The following CTNNA3 variants were observed in gnomAD, a reference collection of about 807,000 sequenced individuals.
CTNNA3 encodes catenin alpha-3.
A neutral mutation model predicts 95.7 loss-of-function variants in CTNNA3; 76 were observed. The ratio of observed to expected loss-of-function variants is 0.79; its 90% CI spans 0.66 to 0.96. The LOEUF is 0.96. Ranked by LOEUF, CTNNA3 falls within the 40% of genes least tolerant of loss-of-function variation. CTNNA3 has a pLI of 0.00. For missense variants in CTNNA3, 1,191 were observed against 1,089.8 expected, an observed-to-expected ratio of 1.09 and a Z score of -1.31; for synonymous variants, 431 against 374.4, an observed-to-expected ratio of 1.15 and a Z score of -1.74.
chr10:66,449,375 G>T (rs1015143482), intron 11 of CTNNA3, among the ~76,000 whole-genome samples: 1 of 152,042 alleles, frequency 6.6e-6, no homozygotes, highest in Non-Finnish European at 1.5e-5. Context: ...GTAAGGGAAC[G>T]AACACGTCAA....
chr10:66,299,977 C>T (rs756638595), intron 12 of CTNNA3, among the ~76,000 whole-genome samples: 3 of 152,128 alleles, frequency 2.0e-5, no homozygotes, highest in Non-Finnish European at 2.9e-5. Context: ...ACTGCAACCT[C>T]TGCCTCCCAG....
At chr10:67,559,340 G>A (rs868183432) in intron 3 of CTNNA3, among the ~76,000 whole-genome samples, 29 of 152,264 alleles carry the variant, frequency 1.9e-4, no homozygotes, top group African/African-American at 3.6e-4. Context: ...ACGAAAATAC[G>A]CTGTTCTGCA....
chr10:66,011,609 TG>T (rs1204978115), intron 15 of CTNNA3, among the ~76,000 whole-genome samples: 1 of 152,164 alleles, frequency 6.6e-6, no homozygotes, highest in Non-Finnish European at 1.5e-5. Flanking sequence ...TTGATGTGCA[TG>T]CAAGATTGTG....
intron 3 of CTNNA3, among the ~76,000 whole-genome samples, chr10:67,553,210 C>A (rs79687885): frequency 1.6e-3 from 247 of 152,242 alleles, no homozygotes; most frequent in Non-Finnish European, 2.7e-3. Flanking sequence ...CCATAATAGA[C>A]CCTCAGGCAC....
chr10:67,521,653 C>A (rs1839990899), intron 5 of CTNNA3, among the ~76,000 whole-genome samples, 189 bp downstream of exon 5: 1 of 152,170 alleles, frequency 6.6e-6, no homozygotes, highest in Non-Finnish European at 1.5e-5. Flanking sequence ...AAGTACACAT[C>A]TAAAAGCAAG....
At chr10:66,782,614 T>C (rs1439301275) in intron 7 of CTNNA3, among the ~76,000 whole-genome samples, 1 of 152,156 alleles carries the variant, frequency 6.6e-6, no homozygotes, top group African/African-American at 2.4e-5. Flanking sequence ...TCTTCTACAC[T>C]GACACTTCTT....
intron 11 of CTNNA3, among the ~76,000 whole-genome samples, chr10:66,400,586 C>T (rs2456743): frequency 1.3e-5 from 2 of 151,826 alleles, no homozygotes; most frequent in African/African-American, 4.8e-5. Flanking sequence ...CTATTTCCAC[C>T]TCTCTCCCAT....
intron 13 of CTNNA3, among the ~76,000 whole-genome samples, chr10:66,272,437 A>G (rs1368254568): frequency 6.6e-6 from 1 of 152,168 alleles, no homozygotes; most frequent in African/African-American, 2.4e-5. Context: ...CATGAAGGGG[A>G]GAAGCGCACA....
chr10:67,561,741 G>T (rs1371229985), intron 3 of CTNNA3, among the ~76,000 whole-genome samples: 1 of 152,024 alleles, frequency 6.6e-6, no homozygotes, highest in African/African-American at 2.4e-5. Flanking sequence ...TAGACTGCTA[G>T]CAAGACTAAG....
At chr10:67,249,337 C>T (rs1866018852) in intron 5 of CTNNA3, among the ~76,000 whole-genome samples, 1 of 152,100 alleles carries the variant, frequency 6.6e-6, no homozygotes, top group African/African-American at 2.4e-5. Context: ...GGTGTTGGTT[C>T]CAGGACCCTC....
chr10:66,305,498 C>T (rs532691925), intron 12 of CTNNA3, among the ~76,000 whole-genome samples: 4 of 152,258 alleles, frequency 2.6e-5, no homozygotes, highest in South Asian at 2.1e-4. Context: ...TTCCACCATC[C>T]TGATTCAAAA....
chr10:66,844,106 G>A (rs1843166511), intron 7 of CTNNA3, among the ~76,000 whole-genome samples: 1 of 152,104 alleles, frequency 6.6e-6, no homozygotes, highest in African/African-American at 2.4e-5. Context: ...TTTGAATTTA[G>A]GCATAAATTC....
At chr10:66,834,010 C>G (rs1436998398) in intron 7 of CTNNA3, among the ~76,000 whole-genome samples, 3 of 152,150 alleles carry the variant, frequency 2.0e-5, no homozygotes, top group Admixed American at 6.5e-5. Context: ...GGTACCTTAT[C>G]AAAGACCAAC....
chr10:67,486,217 C>A (rs564524879), intron 5 of CTNNA3, among the ~76,000 whole-genome samples: 3 of 152,132 alleles, frequency 2.0e-5, no homozygotes, highest in Non-Finnish European at 4.4e-5. Context: ...AATACATAGG[C>A]GTGCTGGATG....
At chr10:66,802,456 C>T (rs1416846332) in intron 7 of CTNNA3, among the ~76,000 whole-genome samples, 1 of 151,724 alleles carries the variant, frequency 6.6e-6, no homozygotes, top group Non-Finnish European at 1.5e-5. Flanking sequence ...TCAACACCCA[C>T]TAGAATGGCT....
At chr10:67,553,283 A>G (rs1186069858) in intron 3 of CTNNA3, among the ~76,000 whole-genome samples, 5 of 152,064 alleles carry the variant, frequency 3.3e-5, no homozygotes, top group Non-Finnish European at 7.3e-5. Flanking sequence ...ATTTAATAAT[A>G]ATATATTATG....
At position 65,918,830 on chromosome 10, in the gene CTNNA3, G is replaced by T. The variant is rs909156196; in HGVS notation, c.*1500C>A. ...TTATGCTTAAGATTCCACACATATC[G>T]TACTGTCAATCTTTATGCTTTTCTA... On this transcript the variant is annotated 3_prime_UTR_variant, in exon 18 of 18. Transcript: ENST00000433211. 2 of 151,888 alleles carry T rather than the reference G, an allele frequency of 1.3e-5. No homozygotes were observed. The highest frequency in any genetic ancestry group is 4.8e-5 in the African/African-American group (2 of 41,334). 9.4% of individuals were successfully genotyped at this position (151,888 alleles called of 1,614,324 possible).
chr10:67,510,637 A>C (rs1839591574), intron 5 of CTNNA3, among the ~76,000 whole-genome samples: 1 of 152,090 alleles, frequency 6.6e-6, no homozygotes, highest in African/African-American at 2.4e-5. Flanking sequence ...TGATGCTTCC[A>C]GTTTTGTTCT....
At chr10:66,441,949 A>G (rs2093378183) in intron 11 of CTNNA3, among the ~76,000 whole-genome samples, 1 of 152,228 alleles carries the variant, frequency 6.6e-6, no homozygotes, top group South Asian at 2.1e-4. Context: ...AAAAAGAATT[A>G]CATTTACTTA....
Sources: gnomAD v4.1 joint callset for allele counts (sites outside exome capture counted in the v4.1 genomes callset) on GRCh38, gnomAD v4.1.1 for gene constraint, MANE v1.5 for transcripts, NCBI Gene and HGNC (gene_info 2026-07-23, HGNC 2026-07-21) for gene names.